Variants in SLC3A2 observed in about 807,000 individuals in gnomAD.
SLC3A2 encodes the protein amino acid transporter heavy chain SLC3A2.
Under a neutral mutation model 48.5 loss-of-function variants are expected in SLC3A2, and 32 were observed. The ratio of observed to expected loss-of-function variants is 0.66; its 90% CI spans 0.50 to 0.89. The LOEUF is 0.89. SLC3A2 is among the 40% of genes least tolerant of loss of function. The pLI is 0.00. For synonymous variants in SLC3A2, 277 were observed against 288.8 expected, an observed-to-expected ratio of 0.96 and a Z score of 0.41; for missense variants, 587 against 680.7, an observed-to-expected ratio of 0.86 and a Z score of 1.53.
At chr11:62,872,277 A>C (rs1176401522) in intron 1 of SLC3A2, among the ~76,000 whole-genome samples, 3 of 152,138 alleles carry the variant, frequency 2.0e-5, no homozygotes, top group Non-Finnish European at 4.4e-5. Flanking sequence ...TAATGCTAGC[A>C]CTTTGGGAGG....
chr11:62,887,007 T>C lies in SLC3A2; in HGVS notation c.1144-1128T>C, dbSNP rs576143897. Among the ~76,000 whole-genome samples, 5 of 152,192 alleles carry C rather than the reference T, an allele frequency of 3.3e-5. No individual in the cohort carries two copies. In the South Asian group the frequency reaches 8.3e-4, roughly 25 times the overall value. Reference sequence around the variant, plus strand: ...CCCACCTTGGCCTCCCAAACTGCTATGATTACAGGTGCGAGCCACTGCACC... The same window carrying C: ...CCCACCTTGGCCTCCCAAACTGCTACGATTACAGGTGCGAGCCACTGCACC... On this transcript the variant is annotated intron_variant, in intron 7 of 8. Coordinates refer to ENST00000338663, the MANE Select transcript of SLC3A2 (RefSeq NM_001013251.3).
At position 62,881,126 on chromosome 11, in the gene SLC3A2, G is replaced by A; in HGVS notation, c.103G>A (p.Ala35Thr). The A allele has an allele frequency of 6.2e-7, 1 of 1,606,526 alleles. No homozygotes were observed. Among genetic ancestry groups the A allele is most frequent in the Non-Finnish European group, 8.5e-7 (1 of 1,177,520 alleles). Residue 35 changes from alanine to threonine, a missense_variant, in exon 1 of 9, where the codon GCG becomes ACG. Transcript: ENST00000338663. This position sits in a 1 kb window ranked among gnomAD's most constrained non-coding sequence, Gnocchi z 4.0. Reference sequence around the variant, plus strand: ...GGCGTCTGGGGCGGCCATGTCCCTGGCGGGAGCCGAGAAGAATGGTCTGGT... The same window carrying A: ...GGCGTCTGGGGCGGCCATGTCCCTGACGGGAGCCGAGAAGAATGGTCTGGT... Reference protein sequence around the residue: ...NAASGAAMSLAGAEKNGLVKI... With the variant: ...NAASGAAMSLTGAEKNGLVKI...
intron 1 of SLC3A2, among the ~76,000 whole-genome samples, chr11:62,874,918 G>A (rs753351074): frequency 4.0e-5 from 6 of 151,816 alleles, no homozygotes; most frequent in East Asian, 3.9e-4. Flanking sequence ...ACCCGCCATC[G>A]TGTGCGACTA....
chr11:62,860,047 G>T (rs1044930464), intron 1 of SLC3A2, among the ~76,000 whole-genome samples: 2 of 152,176 alleles, frequency 1.3e-5, no homozygotes, highest in Admixed American at 6.6e-5. Context: ...CAGCCAGAGG[G>T]ATGTGGCAGG....
intron 7 of SLC3A2, among the ~76,000 whole-genome samples, chr11:62,887,715 A>G (rs541444): frequency 6.6e-6 from 1 of 152,054 alleles, no homozygotes; most frequent in Non-Finnish European, 1.5e-5. Context: ...AAAAAAAAAA[A>G]AAAAGTTAGC....
intron 1 of SLC3A2, among the ~76,000 whole-genome samples, chr11:62,861,402 G>T (rs1405002146): frequency 6.6e-6 from 1 of 152,158 alleles, no homozygotes; most frequent in African/African-American, 2.4e-5. Context: ...GGGACTACAG[G>T]CATGGGCCAC....
Position 62,888,703 on chromosome 11 carries a change from G to A in SLC3A2, c.*10G>A, listed in dbSNP as rs763110992. ...CCCCTACGCGGCCTGACTTCAGCCT[G>A]ACATGGACCCACTACCCTTCTCCTT... On this transcript the variant is annotated 3_prime_UTR_variant, in exon 9 of 9. Transcript: ENST00000338663. The A allele has an allele frequency of 5.1e-6, 8 of 1,576,862 alleles. No individual in the cohort carries two copies. Among genetic ancestry groups the A allele is most frequent in the Non-Finnish European group, 8.6e-7 (1 of 1,165,646 alleles).
Position 62,883,925 on chromosome 11 carries a change from T to A in SLC3A2, c.691-532T>A. 6.6e-6 allele frequency: 3 copies of A among 455,352 alleles called. 1 individual carries two copies. Among genetic ancestry groups the A allele is most frequent in the South Asian group, 4.7e-5 (3 of 64,498 alleles). 28.2% of individuals were successfully genotyped at this position (455,352 alleles called of 1,614,324 possible). ...ATCTAAACTGCCCTGGGGCTATGCTTTGAATTTCAATCTTTCATCCTTGGC... is the reference window on the plus strand; with the variant it reads ...ATCTAAACTGCCCTGGGGCTATGCTATGAATTTCAATCTTTCATCCTTGGC... On this transcript the variant is annotated intron_variant, in intron 3 of 8. Transcript: ENST00000338663.
chr11:62,863,737 C>G (rs1251050305), intron 1 of SLC3A2, among the ~76,000 whole-genome samples: 3 of 152,130 alleles, frequency 2.0e-5, no homozygotes, highest in Non-Finnish European at 4.4e-5. Context: ...TGACAAGACC[C>G]AATTCATAAT....
At position 62,881,618 on chromosome 11, in the gene SLC3A2, T is replaced by C; in HGVS notation, c.424+171T>C. 9.6e-7 allele frequency: 1 copy of C among 1,043,818 alleles called. No individual in the cohort carries two copies. The highest frequency in any genetic ancestry group is 2.7e-5 in the East Asian group (1 of 37,050). The allele number at this position is 1,043,818 out of a possible 1,614,324, so 64.7% of individuals were successfully genotyped here. On this transcript the variant is annotated intron_variant, in intron 1 of 8. Transcript: ENST00000338663. This position sits in a 1 kb window ranked among gnomAD's most constrained non-coding sequence, Gnocchi z 4.0. ...CGGCACATTGTCCTTCCCTCCTTTC[T>C]TTGAAGAAAGCCGACCCGCCCCTCA...
At chr11:62,880,536 A>C (rs1042371313), upstream of SLC3A2, 1 of 153,010 alleles carries the variant, frequency 6.5e-6, no homozygotes, top group African/African-American at 2.4e-5. Context: ...CCAGGGGCAA[A>C]TGGAGGATGG....
At chr11:62,857,326 T>C (rs2085344120) in intron 1 of SLC3A2, among the ~76,000 whole-genome samples, 1 of 151,898 alleles carries the variant, frequency 6.6e-6, no homozygotes, top group African/African-American at 2.4e-5. Flanking sequence ...GGTTTCATCA[T>C]GTTGGCCAGG....
Position 62,860,234 on chromosome 11 carries a change from G to T in SLC3A2, c.112+3853G>T, listed in dbSNP as rs577996074. The stretch of plus-strand genomic sequence containing the variant: ...AGAGCAGTATTGGCCGGGCGCGGTG[G>T]CTCACGCCTGTAATCCCAGCACTTT... On this transcript the variant is annotated intron_variant, in intron 1 of 9. Transcript: ENST00000377889. Among the ~76,000 whole-genome samples the T allele has an allele frequency of 2.6e-5, 4 of 152,286 alleles. No individual in the cohort carries two copies. In the East Asian group the frequency reaches 7.7e-4, roughly 29 times the overall value.
In SLC3A2 at chr11:62,881,677, CT is replaced by C. The variant is rs2135009529; in HGVS notation, c.425-214del. On this transcript the variant is annotated intron_variant, in intron 1 of 8. Transcript: ENST00000338663. This position sits in a 1 kb window ranked among gnomAD's most constrained non-coding sequence, Gnocchi z 4.0. ...CGAGGGTGGGTGACTCAGCGTCCTC[CT>C]TCCCCGCGGCGCCAGAAGCCAGTTG... is the stretch of plus-strand genomic sequence containing the variant. The C allele has an allele frequency of 4.6e-6, 4 of 862,594 alleles. No homozygotes were observed. The South Asian group carries it at 7.3e-5, about 16-fold the overall frequency. 53.4% of individuals were successfully genotyped at this position (862,594 alleles called of 1,614,324 possible). A position where few individuals can be genotyped will look rare whatever the true frequency, so the allele number is the denominator to read the frequency against.
upstream of SLC3A2, among the ~76,000 whole-genome samples, chr11:62,876,377 C>T (rs775232302): frequency 5.9e-5 from 9 of 152,126 alleles, no homozygotes; most frequent in Non-Finnish European, 1.0e-4. Flanking sequence ...ATCTGGGCTG[C>T]CAAACTGCTT....
At position 62,881,910 on chromosome 11, in the gene SLC3A2, G is replaced by A; in HGVS notation, c.442G>A (p.Asp148Asn). Residue 148 changes from aspartate to asparagine, a missense_variant, in exon 2 of 9, where the codon GAT becomes AAT. This residue lies in a region of SLC3A2 where 409 missense variants were observed against 446.7 expected (regional missense o/e 0.92). Transcript: ENST00000338663. This position sits in a 1 kb window ranked among gnomAD's most constrained non-coding sequence, Gnocchi z 4.0. The part of the protein sequence containing the change: ...GNLAGLKGRL[D>N]YLSSLKVKGL... Reference sequence around the variant, plus strand: ...CATTTCAGGTCTGAAGGGGCGTCTCGATTACCTGAGCTCTCTGAAGGTGAA... The same window carrying A: ...CATTTCAGGTCTGAAGGGGCGTCTCAATTACCTGAGCTCTCTGAAGGTGAA... 1.2e-6 allele frequency: 2 copies of A among 1,614,064 alleles called. No homozygotes were observed. The highest frequency in any genetic ancestry group is 1.1e-5 in the South Asian group (1 of 91,056).
intron 2 of SLC3A2, 72 bp downstream of exon 2, chr11:62,882,138 T>C: frequency 1.3e-6 from 2 of 1,569,854 alleles, no homozygotes; most frequent in Non-Finnish European, 1.7e-6. Flanking sequence ...CTAGAACTTT[T>C]GTCTGGTTTC....
At chr11:62,879,031 C>T (rs2085601482), upstream of SLC3A2, among the ~76,000 whole-genome samples, 1 of 151,976 alleles carries the variant, frequency 6.6e-6, no homozygotes. Context: ...CCTCAGCCTC[C>T]CAAAGTGCTG....
chr11:62,871,895 C>T (rs1212739828), intron 1 of SLC3A2, among the ~76,000 whole-genome samples: 5 of 151,712 alleles, frequency 3.3e-5, no homozygotes, highest in African/African-American at 1.2e-4. Context: ...TTTATGACAT[C>T]AAATCTTTAT....
Sources: allele counts gnomAD v4.1 joint callset (sites outside exome capture counted in the v4.1 genomes callset), GRCh38; gene constraint gnomAD v4.1.1; regional missense constraint gnomAD v4.1.1; non-coding constraint Gnocchi (gnomAD v3.1); transcripts MANE v1.5; gene names NCBI Gene and HGNC (gene_info 2026-07-23, HGNC 2026-07-21).